Variants in SDK1 observed in about 807,000 individuals in gnomAD.
SDK1 encodes protein sidekick-1.
SDK1 carries 157 observed loss-of-function variants against 245.5 expected under a neutral mutation model. The ratio of observed to expected loss-of-function variants is 0.64; its 90% CI spans 0.56 to 0.73. The LOEUF is 0.73. Among genes scored for constraint, SDK1 ranks in the 30% least tolerant of loss-of-function variants. The probability of loss-of-function intolerance (pLI) is 0.00; values close to 1 mark genes in which losing one functional copy is unlikely to be tolerated. For synonymous variants in SDK1, 1,647 were observed against 1,278.5 expected (o/e 1.29, Z -6.15); for missense variants, 3,583 against 3,002.3 (o/e 1.19, Z -4.52).
intron 5 of SDK1, among the ~76,000 whole-genome samples, chr7:3,921,932 C>T (rs554373742): frequency 6.6e-6 from 1 of 152,250 alleles, no homozygotes; most frequent in South Asian, 2.1e-4. Context: ...CACCAGTGCA[C>T]TCCAGCCTGG....
At position 3,744,827 on chromosome 7, in the gene SDK1, C is replaced by CA. The variant is rs912254384; in HGVS notation, c.714-76614dup. 2.2e-3 allele frequency among the ~76,000 whole-genome samples: 328 copies of CA among 146,430 alleles called. 2 individuals carry two copies. The highest frequency in any genetic ancestry group is 5.9e-3 in the African/African-American group (235 of 39,936). ...ACTCCATCTCAAAAAAACAAACAAA[C>CA]AAAAAAAAACAAAAAGAAAAAGAAA... On this transcript the variant is annotated intron_variant, in intron 4 of 44. Transcript: ENST00000404826.
At chr7:3,409,161 G>C (rs367646852) in intron 1 of SDK1, among the ~76,000 whole-genome samples, 5 of 152,302 alleles carry the variant, frequency 3.3e-5, no homozygotes, top group African/African-American at 9.6e-5. Flanking sequence ...TTCTGCTTCA[G>C]ATTAACATGA....
chr7:4,106,675 C>A (rs557238966), intron 22 of SDK1, among the ~76,000 whole-genome samples: 2 of 152,168 alleles, frequency 1.3e-5, no homozygotes, highest in African/African-American at 4.8e-5. Context: ...CAGAGAAACC[C>A]GATGAGCCTG....
At chr7:3,642,246 A>C in intron 4 of SDK1, 141 bp downstream of exon 4, 1 of 666,432 alleles carries the variant, frequency 1.5e-6, no homozygotes, top group East Asian at 2.9e-5. Flanking sequence ...CTAATTTTTA[A>C]TAAACAGCTA....
At chr7:4,093,072 T>C (rs558979801) in intron 22 of SDK1, among the ~76,000 whole-genome samples, 9 of 152,152 alleles carry the variant, frequency 5.9e-5, no homozygotes, top group Non-Finnish European at 8.8e-5. Context: ...GAGGAACCCA[T>C]TGAAAGGCCC....
At chr7:3,851,226 A>G (rs1032790006) in intron 5 of SDK1, among the ~76,000 whole-genome samples, 2 of 152,190 alleles carry the variant, frequency 1.3e-5, no homozygotes, top group Non-Finnish European at 2.9e-5. Context: ...TGCCCCAAAT[A>G]ATAAGCTTTT....
intron 14 of SDK1, 105 bp downstream of exon 14, chr7:3,987,427 A>G (rs2128139290): frequency 8.5e-7 from 1 of 1,175,016 alleles, no homozygotes; most frequent in South Asian, 1.4e-5. Flanking sequence ...AACAACTACT[A>G]AAATGCTGTA....
At chr7:3,406,802 T>C (rs1583812258) in intron 1 of SDK1, among the ~76,000 whole-genome samples, 1 of 152,202 alleles carries the variant, frequency 6.6e-6, no homozygotes, top group African/African-American at 2.4e-5. Flanking sequence ...AACATGTGCG[T>C]GTATACATCC....
At chr7:3,533,561 G>A (rs956858056) in intron 1 of SDK1, among the ~76,000 whole-genome samples, 8 of 152,116 alleles carry the variant, frequency 5.3e-5, no homozygotes, top group Admixed American at 3.9e-4. Context: ...ATCCCTATAA[G>A]TCTGTAATGA....
intron 44 of SDK1, among the ~76,000 whole-genome samples, chr7:4,259,568 G>C (rs907479487): frequency 2.0e-5 from 3 of 152,196 alleles, no homozygotes; most frequent in African/African-American, 4.8e-5. Context: ...TTAGGGAACT[G>C]CTCCAGTAGG....
intron 5 of SDK1, among the ~76,000 whole-genome samples, chr7:3,927,907 T>C (rs1445258311): frequency 6.6e-6 from 1 of 152,214 alleles, no homozygotes; most frequent in Non-Finnish European, 1.5e-5. Context: ...GAATGACCCT[T>C]ACAAATGAGC....
intron 1 of SDK1, among the ~76,000 whole-genome samples, chr7:3,396,062 T>C (rs1320817085): frequency 2.0e-5 from 3 of 151,896 alleles, no homozygotes; most frequent in Non-Finnish European, 4.4e-5. Flanking sequence ...TGATTTGAGA[T>C]TTTTTTCTTT....
intron 1 of SDK1, among the ~76,000 whole-genome samples, chr7:3,612,025 C>T (rs922136299): frequency 7.8e-4 from 118 of 152,154 alleles, no homozygotes; most frequent in African/African-American, 2.6e-3. Context: ...TATCTTCTCA[C>T]TCCTAAGTGG....
At chr7:3,454,387 T>TG (rs1491568197) in intron 1 of SDK1, among the ~76,000 whole-genome samples, 11 of 130,798 alleles carry the variant, frequency 8.4e-5, no homozygotes, top group Admixed American at 4.2e-4. Context: ...TTCCCCAAGA[T>TG]TTGTGTGTGT....
intron 4 of SDK1, among the ~76,000 whole-genome samples, chr7:3,734,755 C>T (rs896653899): frequency 2.0e-5 from 3 of 152,212 alleles, no homozygotes; most frequent in Admixed American, 6.5e-5. Flanking sequence ...AGCCCTTCAT[C>T]CTCAGTGCAT....
intron 14 of SDK1, among the ~76,000 whole-genome samples, chr7:4,010,256 G>A (rs976287153): frequency 9.9e-5 from 15 of 152,234 alleles, no homozygotes; most frequent in Non-Finnish European, 1.9e-4. Context: ...AAAATGACTG[G>A]GCTGAAAAGC....
chr7:4,151,682 C>G (rs1161502707), intron 30 of SDK1, among the ~76,000 whole-genome samples: 1 of 152,210 alleles, frequency 6.6e-6, no homozygotes, highest in Non-Finnish European at 1.5e-5. Context: ...CTGTCTAGCA[C>G]CTGTCATTTT....
chr7:3,987,747 C>G (rs1398369406), intron 14 of SDK1, among the ~76,000 whole-genome samples: 1 of 152,198 alleles, frequency 6.6e-6, no homozygotes, highest in Non-Finnish European at 1.5e-5. Flanking sequence ...CTCTTCCTGA[C>G]TCACCTTCCA....
intron 1 of SDK1, among the ~76,000 whole-genome samples, chr7:3,411,293 G>A (rs1287409683): frequency 6.6e-6 from 1 of 152,192 alleles, no homozygotes; most frequent in Admixed American, 6.5e-5. Context: ...GGAGGTCATT[G>A]AGAGTGAGAA....
Sources: gnomAD v4.1 joint callset for allele counts (sites outside exome capture counted in the v4.1 genomes callset) on GRCh38, gnomAD v4.1.1 for gene constraint, MANE v1.5 for transcripts, NCBI Gene and HGNC (gene_info 2026-07-23, HGNC 2026-07-21) for gene names.